ANO3: variants seen among roughly 807,000 people sequenced by gnomAD.
ANO3 encodes the protein anoctamin-3.
In ANO3, 99 loss-of-function variants were observed where a neutral mutation model predicts 144.8. The observed-to-expected ratio is 0.68, with a 90% confidence interval of 0.58 to 0.81. The LOEUF (loss-of-function observed/expected upper bound fraction) is 0.81. ANO3 is among the 30% of genes least tolerant of loss of function. ANO3 has a pLI of 0.00. For synonymous variants in ANO3, 414 were observed against 392.6 expected, an observed-to-expected ratio of 1.05 and a Z score of -0.64; for missense variants, 905 against 1,202.2, an observed-to-expected ratio of 0.75 and a Z score of 3.66.
intron 4 of ANO3, among the ~76,000 whole-genome samples, chr11:26,484,790 G>A (rs1257416378): frequency 2.0e-5 from 3 of 152,170 alleles, no homozygotes; most frequent in Admixed American, 2.0e-4. Context: ...GAGCCACTGG[G>A]GCACATATGC....
chr11:26,509,110 T>C (rs1031450024), intron 5 of ANO3, among the ~76,000 whole-genome samples: 6 of 146,988 alleles, frequency 4.1e-5, no homozygotes, highest in African/African-American at 1.5e-4. Flanking sequence ...TCTCTCTATA[T>C]ATATATATAT....
At chr11:26,371,278 G>A (rs990113447) in intron 1 of ANO3, among the ~76,000 whole-genome samples, 7 of 152,244 alleles carry the variant, frequency 4.6e-5, no homozygotes, top group African/African-American at 1.7e-4. Context: ...GCCACATGGG[G>A]TTGGTCCAGT....
intron 1 of ANO3, among the ~76,000 whole-genome samples, chr11:26,376,402 T>C (rs1856408362): frequency 6.6e-6 from 1 of 152,192 alleles, no homozygotes; most frequent in Non-Finnish European, 1.5e-5. Flanking sequence ...CATTTCACAT[T>C]ATATATATCT....
At chr11:26,489,572 A>G (rs1443242274) in intron 4 of ANO3, among the ~76,000 whole-genome samples, 1 of 152,188 alleles carries the variant, frequency 6.6e-6, no homozygotes, top group African/African-American at 2.4e-5. Context: ...TGGAAAAGCC[A>G]CGGGCACTCA....
At chr11:26,616,437 T>G (rs967117133) in intron 17 of ANO3, among the ~76,000 whole-genome samples, 1 of 35,984 alleles carries the variant, frequency 2.8e-5, no homozygotes, top group Non-Finnish European at 6.0e-5. Flanking sequence ...GCGTTTCTGG[T>G]TTTTTTTTTT....
chr11:26,414,944 C>G (rs938765781), intron 1 of ANO3, among the ~76,000 whole-genome samples: 2 of 151,798 alleles, frequency 1.3e-5, no homozygotes, highest in Non-Finnish European at 2.9e-5. Context: ...TGGATGACTT[C>G]TTTCGTCCTG....
At chr11:26,379,643 A>T (rs1856529604) in intron 1 of ANO3, among the ~76,000 whole-genome samples, 4 of 152,030 alleles carry the variant, frequency 2.6e-5, no homozygotes, top group Admixed American at 2.6e-4. Context: ...AGAAAAAAAA[A>T]TGAACTGGGT....
At chr11:26,234,176 T>A (rs957492377) in intron 1 of ANO3, among the ~76,000 whole-genome samples, 7 of 152,180 alleles carry the variant, frequency 4.6e-5, no homozygotes, top group African/African-American at 1.4e-4. Context: ...AAATAAAAAG[T>A]TTGTTAATAG....
intron 3 of ANO3, among the ~76,000 whole-genome samples, chr11:26,457,152 C>T (rs1859195796): frequency 6.7e-6 from 1 of 150,138 alleles, no homozygotes; most frequent in African/African-American, 2.5e-5. Context: ...GTGCAGCGCA[C>T]CAGCATGGCA....
At chr11:26,381,059 G>A (rs1856577688) in intron 1 of ANO3, among the ~76,000 whole-genome samples, 1 of 152,066 alleles carries the variant, frequency 6.6e-6, no homozygotes, top group African/African-American at 2.4e-5. Flanking sequence ...AGTTCAGACT[G>A]AATCGAGGCC....
At chr11:26,547,701 T>A in intron 12 of ANO3, 151 bp downstream of exon 12, 1 of 733,700 alleles carries the variant, frequency 1.4e-6, no homozygotes, top group Non-Finnish European at 2.2e-6. Context: ...TTGTTTTTGG[T>A]AGGAAGAGAA....
chr11:26,463,523 C>T (rs1213899433), intron 4 of ANO3, among the ~76,000 whole-genome samples: 1 of 151,560 alleles, frequency 6.6e-6, no homozygotes, highest in South Asian at 2.1e-4. Context: ...CTTGATAAGG[C>T]TAATTAAACT....
At chr11:26,192,417 T>C (rs1590185219) in intron 1 of ANO3, among the ~76,000 whole-genome samples, 1 of 152,178 alleles carries the variant, frequency 6.6e-6, no homozygotes, top group East Asian at 1.9e-4. Flanking sequence ...GTTCTCAACA[T>C]TCATGTACAC....
intron 14 of ANO3, among the ~76,000 whole-genome samples, chr11:26,589,094 G>A (rs1203261557): frequency 1.3e-5 from 2 of 152,208 alleles, no homozygotes; most frequent in East Asian, 1.9e-4. Flanking sequence ...AAACCAGCCT[G>A]AGGAATGTAC....
intron 1 of ANO3, among the ~76,000 whole-genome samples, chr11:26,268,020 C>T (rs1177344502): frequency 1.3e-5 from 2 of 152,040 alleles, no homozygotes; most frequent in African/African-American, 4.8e-5. Flanking sequence ...GGAATCACTG[C>T]AGAGTCGAGA....
chr11:26,249,617 T>C (rs1852880675), intron 1 of ANO3, among the ~76,000 whole-genome samples: 1 of 152,088 alleles, frequency 6.6e-6, no homozygotes, highest in Admixed American at 6.6e-5. Context: ...TTTGGAGCAC[T>C]GTTATGTTGT....
chr11:26,575,684 G>A (rs1296749410), intron 14 of ANO3, among the ~76,000 whole-genome samples: 6 of 152,132 alleles, frequency 3.9e-5, no homozygotes, highest in South Asian at 2.1e-4. Context: ...TTATTTTAGC[G>A]ATTACACAAT....
chr11:26,465,892 T>C (rs1859585100), intron 4 of ANO3, among the ~76,000 whole-genome samples: 1 of 151,946 alleles, frequency 6.6e-6, no homozygotes, highest in South Asian at 2.1e-4. Context: ...AGCTAATGTA[T>C]TTATGAGTAA....
chr11:26,200,837 G>C (rs777266214), intron 1 of ANO3, among the ~76,000 whole-genome samples: 2 of 152,018 alleles, frequency 1.3e-5, no homozygotes, highest in Non-Finnish European at 2.9e-5. Flanking sequence ...GTATATAACA[G>C]AAATTTTTAA....
Sources: gnomAD v4.1 joint callset for allele counts (sites outside exome capture counted in the v4.1 genomes callset) on GRCh38, gnomAD v4.1.1 for gene constraint, MANE v1.5 for transcripts, NCBI Gene and HGNC (gene_info 2026-07-23, HGNC 2026-07-21) for gene names.